Variants in CPEB2 observed in about 807,000 individuals in gnomAD.
The protein encoded by CPEB2 is cytoplasmic polyadenylation element binding protein 2, also known as cytoplasmic polyadenylation element-binding protein 2.
In CPEB2, 56 loss-of-function variants were observed where a neutral mutation model predicts 93.6. That is an observed-to-expected ratio of 0.60 (90% CI 0.48 to 0.75). The LOEUF is 0.75. CPEB2 is among the 30% of genes least tolerant of loss of function. The pLI is 0.00. For missense variants in CPEB2, 1,579 were observed against 1,395.1 expected (o/e 1.13, Z -2.10); for synonymous variants, 764 against 586.3 (o/e 1.30, Z -4.38).
At chr4:15,034,221 A>G in intron 5 of CPEB2, among the ~76,000 whole-genome samples, 1 of 152,184 alleles carries the variant, frequency 6.6e-6, no homozygotes, top group East Asian at 1.9e-4. Flanking sequence ...AGTCTAGTCT[A>G]AGCACTCGGT....
At chr4:15,027,919 T>A (rs1029779351) in intron 4 of CPEB2, among the ~76,000 whole-genome samples, 3 of 152,216 alleles carry the variant, frequency 2.0e-5, no homozygotes, top group Non-Finnish European at 2.9e-5. Context: ...TCTTAATAAT[T>A]GTCTGCATTT....
chr4:15,030,864 G>C (rs747760195), intron 4 of CPEB2, among the ~76,000 whole-genome samples: 1 of 151,990 alleles, frequency 6.6e-6, no homozygotes, highest in Non-Finnish European at 1.5e-5. Context: ...AATATCAAAA[G>C]ACTATTAGCA....
intron 3 of CPEB2, among the ~76,000 whole-genome samples, chr4:15,015,536 C>CA: frequency 6.6e-6 from 1 of 152,168 alleles, no homozygotes; most frequent in Middle Eastern, 3.4e-3. Flanking sequence ...AAAAAGGCTA[C>CA]AACCCTAATT....
intron 11 of CPEB2, 106 bp from the exon 12 acceptor site, chr4:15,066,047 G>C: frequency 1.1e-6 from 1 of 942,336 alleles, no homozygotes; most frequent in South Asian, 1.6e-5. Context: ...CATTTCCTCA[G>C]CTTTTAATGC....
intron 4 of CPEB2, among the ~76,000 whole-genome samples, chr4:15,032,342 T>C (rs922254838): frequency 6.6e-6 from 1 of 152,200 alleles, no homozygotes; most frequent in African/African-American, 2.4e-5. Context: ...TTTTATAATA[T>C]AGACTAAAAA....
At chr4:15,011,141 C>T (rs1222868224) in intron 3 of CPEB2, among the ~76,000 whole-genome samples, 1 of 142,920 alleles carries the variant, frequency 7.0e-6, no homozygotes, top group Non-Finnish European at 1.5e-5. Context: ...CACTCTGTCA[C>T]TCAGGCTGAA....
At chr4:15,033,253 G>A (rs368481894) in intron 5 of CPEB2, 42 bp downstream of exon 5, 444 of 1,255,036 alleles carry the variant, frequency 3.5e-4, no homozygotes, top group South Asian at 6.6e-4. Flanking sequence ...GTTGATTTAT[G>A]TAAAGATGAT....
chr4:15,016,328 AC>A (rs1161779413), intron 3 of CPEB2, among the ~76,000 whole-genome samples: 1 of 152,036 alleles, frequency 6.6e-6, no homozygotes, highest in Non-Finnish European at 1.5e-5. Context: ...TTCACCACAT[AC>A]CTTTTTTCAG....
chr4:15,023,660 A>T (rs1725041761), intron 4 of CPEB2, among the ~76,000 whole-genome samples: 1 of 151,964 alleles, frequency 6.6e-6, no homozygotes, highest in African/African-American at 2.4e-5. Flanking sequence ...TAGTGCTATA[A>T]GTCTTATATA....
chr4:15,003,356 AGCAGCAACAGCCGCC>A lies in CPEB2; in HGVS notation c.690_704del (p.Gln231_Gln235del). 7.2e-7 allele frequency: 1 copy of A among 1,388,118 alleles called. No individual in the cohort carries two copies. The highest frequency in any genetic ancestry group is 1.7e-5 in the South Asian group (1 of 58,786). 86.0% of individuals were successfully genotyped at this position (1,388,118 alleles called of 1,614,324 possible). ...CAGCCGGCGCAGCTCGCTCAGCGCC[AGCAGCAACAGCCGCC>A]GCAGCAGTTCAGCCTCCTGCATCAG... On this transcript the variant is annotated inframe_deletion, in exon 1 of 12. Transcript: ENST00000538197.
rs1484596838 is a variant in CPEB2 at position 15,068,258 on chromosome 4, C to T, written c.*1878C>T. 2 of 152,272 alleles carry T rather than the reference C, an allele frequency of 1.3e-5. No individual in the cohort carries two copies. Among genetic ancestry groups the T allele is most frequent in the Admixed American group, 1.3e-4 (2 of 15,218 alleles). The allele number at this position is 152,272 out of a possible 1,614,324, so 9.4% of individuals were successfully genotyped here. On this transcript the variant is annotated 3_prime_UTR_variant, in exon 12 of 12. Coordinates refer to ENST00000538197, the MANE Select transcript of CPEB2 (RefSeq NM_001177382.2). ...TACTGTAAAAATATGTGGTTCATGT[C>T]TAACTCTGCTGTTTTATTGTGGTTG... is the stretch of plus-strand genomic sequence containing the variant.
At chr4:15,039,960 A>G (rs1307459573) in intron 5 of CPEB2, among the ~76,000 whole-genome samples, 1 of 152,130 alleles carries the variant, frequency 6.6e-6, no homozygotes, top group Non-Finnish European at 1.5e-5. Flanking sequence ...ATGGTGGTAT[A>G]TCTTCTCAGT....
In CPEB2 at chr4:15,002,942, A is replaced by G. The variant is rs1419480870; in HGVS notation, c.269A>G (p.Gln90Arg). Residue 90 changes from glutamine to arginine, a missense_variant, in exon 1 of 12, where the codon CAG becomes CGG. Coordinates refer to ENST00000538197, the MANE Select transcript of CPEB2 (RefSeq NM_001177382.2). The stretch of plus-strand genomic sequence containing the variant: ...TCTTCCTCCCCGTTCCTGGCGCATC[A>G]GCAGACCATGCAGGATGAGCTGCTT... ...ASSSSPFLAH[Q>R]QTMQDELLLG... 5 of 1,514,864 alleles carry G rather than the reference A, an allele frequency of 3.3e-6. No homozygotes were observed. Among genetic ancestry groups the G allele is most frequent in the Non-Finnish European group, 4.4e-6 (5 of 1,141,542 alleles). 93.8% of individuals were successfully genotyped at this position (1,514,864 alleles called of 1,614,324 possible).
intron 6 of CPEB2, among the ~76,000 whole-genome samples, chr4:15,049,250 C>T (rs1363654296): frequency 2.0e-5 from 3 of 151,582 alleles, no homozygotes; most frequent in Non-Finnish European, 4.4e-5. Context: ...TTTGTCACCG[C>T]ATTCTTTTTT....
rs1316084982 is a variant in CPEB2, at chr4:15,067,254, CTT to C, written c.*875_*876del. The C allele has an allele frequency of 1.3e-5, 2 of 152,426 alleles. No individual in the cohort carries two copies. The highest frequency in any genetic ancestry group is 1.9e-4 in the East Asian group (1 of 5,168). 9.4% of individuals were successfully genotyped at this position (152,426 alleles called of 1,614,324 possible). A position where few individuals can be genotyped will look rare whatever the true frequency, so the allele number is the denominator to read the frequency against. On this transcript the variant is annotated 3_prime_UTR_variant, in exon 12 of 12. Coordinates refer to ENST00000538197, the MANE Select transcript of CPEB2 (RefSeq NM_001177382.2). ...TATAAAATTTGTTTAAAAAAGCAAA[CTT>C]GCATGCATTATTGTGACTTCAAGTT...
chr4:15,012,738 C>T (rs1354543212), intron 3 of CPEB2, among the ~76,000 whole-genome samples: 1 of 152,032 alleles, frequency 6.6e-6, no homozygotes, highest in African/African-American at 2.4e-5. Context: ...TAAACACAAG[C>T]ATTGTAAGTA....
intron 7 of CPEB2, 129 bp downstream of exon 7, chr4:15,052,713 C>A: frequency 2.0e-6 from 1 of 498,652 alleles, no homozygotes; most frequent in Non-Finnish European, 3.3e-6. Context: ...AATGCATTTT[C>A]TTCTTTTAAA....
At chr4:15,012,469 G>A (rs569099138) in intron 3 of CPEB2, among the ~76,000 whole-genome samples, 2 of 152,132 alleles carry the variant, frequency 1.3e-5, no homozygotes, top group Non-Finnish European at 2.9e-5. Context: ...TAGAATATAT[G>A]GATAAAAAAT....
intron 8 of CPEB2, 38 bp downstream of exon 8, chr4:15,054,255 G>A: frequency 6.9e-7 from 1 of 1,451,082 alleles, no homozygotes; most frequent in Non-Finnish European, 9.6e-7. Context: ...TAGGAAATTG[G>A]TTGTATGAGA....
Sources: allele counts gnomAD v4.1 joint callset (sites outside exome capture counted in the v4.1 genomes callset), GRCh38; gene constraint gnomAD v4.1.1; transcripts MANE v1.5; gene names NCBI Gene and HGNC (gene_info 2026-07-23, HGNC 2026-07-21).